Variants in ATAD2B observed in about 807,000 individuals in gnomAD.
ATAD2B encodes ATPase family AAA domain-containing protein 2B.
In ATAD2B, 40 loss-of-function variants were observed where a neutral mutation model predicts 167.6. The ratio of observed to expected loss-of-function variants is 0.24; its 90% CI spans 0.19 to 0.31. The LOEUF is 0.31. Ranked by LOEUF, ATAD2B falls within the 10% of genes least tolerant of loss-of-function variation. ATAD2B has a pLI of 1.00. For synonymous variants in ATAD2B, 579 were observed against 596.5 expected, an observed-to-expected ratio of 0.97 and a Z score of 0.43; for missense variants, 1,242 against 1,757.2, an observed-to-expected ratio of 0.71 and a Z score of 5.24.
intron 17 of ATAD2B, among the ~76,000 whole-genome samples, chr2:23,817,326 T>G (rs545407197): frequency 6.6e-6 from 1 of 152,292 alleles, no homozygotes; most frequent in East Asian, 1.9e-4. Context: ...ATCTATAAAA[T>G]GAAGATACCA....
At chr2:23,717,721 T>C in the ATAD2B span, among the ~76,000 whole-genome samples, 1 of 152,160 alleles carries the variant, frequency 6.6e-6, no homozygotes, top group Non-Finnish European at 1.5e-5. Flanking sequence ...GGCTACCCCA[T>C]AGGCAATAAA....
At chr2:23,914,042 G>A (rs116727594) in intron 1 of ATAD2B, among the ~76,000 whole-genome samples, 5,881 of 152,112 alleles carry the variant, frequency 0.039, 110 homozygotes, top group Admixed American at 0.046. Context: ...GCCAGGGCAG[G>A]AGTTCAAGAC....
At chr2:23,909,687 A>C (rs1470271387) in intron 1 of ATAD2B, among the ~76,000 whole-genome samples, 1 of 151,976 alleles carries the variant, frequency 6.6e-6, no homozygotes, top group Non-Finnish European at 1.5e-5. Flanking sequence ...GCAGGGAAAA[A>C]GGCCCTTTTT....
At chr2:23,745,329 G>A (rs902637843), downstream of ATAD2B, among the ~76,000 whole-genome samples, 3 of 149,066 alleles carry the variant, frequency 2.0e-5, no homozygotes, top group Non-Finnish European at 4.4e-5. Flanking sequence ...AAGCGAGAAA[G>A]AGAGAAAGAG....
At chr2:23,820,030 T>C in intron 16 of ATAD2B, 148 bp from the exon 17 acceptor site, 2 of 541,900 alleles carry the variant, frequency 3.7e-6, no homozygotes, top group Non-Finnish European at 3.2e-6. Context: ...AAACTGCAGC[T>C]TTTAAAATAA....
chr2:23,736,454 G>A, the ATAD2B span, among the ~76,000 whole-genome samples: 1 of 152,152 alleles, frequency 6.6e-6, no homozygotes, highest in African/African-American at 2.4e-5. Context: ...GGAGGAAAAA[G>A]AGACTATGCA....
intron 22 of ATAD2B, among the ~76,000 whole-genome samples, chr2:23,774,317 G>C (rs1205922558): frequency 2.0e-5 from 3 of 152,096 alleles, no homozygotes; most frequent in South Asian, 2.1e-4. Context: ...AGGCATGGTT[G>C]TAAGTCCTGT....
intron 14 of ATAD2B, among the ~76,000 whole-genome samples, chr2:23,829,699 T>C (rs1483721705): frequency 2.0e-5 from 3 of 152,154 alleles, no homozygotes; most frequent in Non-Finnish European, 4.4e-5. Flanking sequence ...AGGCCTGCAG[T>C]GTGCTGTGAT....
chr2:23,912,713 G>A (rs571721913), intron 1 of ATAD2B, among the ~76,000 whole-genome samples: 5 of 151,966 alleles, frequency 3.3e-5, no homozygotes, highest in Non-Finnish European at 4.4e-5. Context: ...ATATGGGGCC[G>A]GGCACAATGG....
chr2:23,784,016 C>T (rs2551337), intron 21 of ATAD2B, among the ~76,000 whole-genome samples: 27,316 of 151,982 alleles, frequency 0.18, 2,553 homozygotes, highest in Middle Eastern at 0.25. Context: ...TGTATGTGTG[C>T]TTTATTTTTC....
chr2:23,765,301 C>T (rs949760043), intron 23 of ATAD2B, among the ~76,000 whole-genome samples: 5 of 152,320 alleles, frequency 3.3e-5, no homozygotes, highest in African/African-American at 9.6e-5. Flanking sequence ...CTGTAATACA[C>T]ACTATCACAC....
chr2:23,926,756 C>T lies in ATAD2B; in HGVS notation c.15G>A (p.Arg5=). The stretch of plus-strand genomic sequence containing the variant: ...ACCCGAGAAGGCGGAGAGAGCTCTT[C>T]CGGGTGTTCACCATGGTCCAGCCAG... The part of the protein sequence containing the change: MVNT[R]KSSLRLLGSK... The change falls in exon 1 of 28, where the codon CGG becomes CGA. Residue 5 remains arginine (R), a synonymous_variant. Transcript: ENST00000238789. 3 of 1,544,830 alleles carry T rather than the reference C, an allele frequency of 1.9e-6. No individual in the cohort carries two copies. The highest frequency in any genetic ancestry group is 3.7e-4 in the Middle Eastern group (2 of 5,388).
At chr2:23,687,285 G>T in the ATAD2B span, among the ~76,000 whole-genome samples, 73,843 of 152,018 alleles carry the variant, frequency 0.49, 19,017 homozygotes, top group East Asian at 0.79. Context: ...ATCCCTCCCT[G>T]CTGTCCCCGC....
chr2:23,728,540 AAACT>A, the ATAD2B span, among the ~76,000 whole-genome samples: 1 of 152,230 alleles, frequency 6.6e-6, no homozygotes, highest in Non-Finnish European at 1.5e-5. Context: ...AAACCAAAAG[AAACT>A]AACTAAATTT....
chr2:23,707,172 C>T, the ATAD2B span: 5 of 152,294 alleles, frequency 3.3e-5, no homozygotes, highest in African/African-American at 1.2e-4. Flanking sequence ...CATCACAAGG[C>T]CTAGGAGGCT....
the ATAD2B span, among the ~76,000 whole-genome samples, chr2:23,704,682 G>A: frequency 1.1e-4 from 17 of 149,086 alleles, no homozygotes; most frequent in Non-Finnish European, 1.7e-4. Context: ...CAGGAGAATC[G>A]CTTGAACCCG....
At chr2:23,880,016 C>A (rs1426508725) in intron 7 of ATAD2B, among the ~76,000 whole-genome samples, 1 of 150,478 alleles carries the variant, frequency 6.6e-6, no homozygotes, top group Non-Finnish European at 1.5e-5. Flanking sequence ...TGAGATAATG[C>A]CACTGTACTC....
At chr2:23,743,741 C>T (rs1674642776), downstream of ATAD2B, among the ~76,000 whole-genome samples, 1 of 152,074 alleles carries the variant, frequency 6.6e-6, no homozygotes, top group Non-Finnish European at 1.5e-5. Context: ...GTCCTCCCAT[C>T]TCAGCCTCCT....
intron 18 of ATAD2B, among the ~76,000 whole-genome samples, chr2:23,807,799 G>A (rs7579450): frequency 4.1e-5 from 5 of 123,012 alleles, no homozygotes; most frequent in African/African-American, 3.0e-5. Context: ...CTGGGCAACA[G>A]AGCGTGACTC....
Sources: gnomAD v4.1 joint callset for allele counts (sites outside exome capture counted in the v4.1 genomes callset) on GRCh38, gnomAD v4.1.1 for gene constraint, MANE v1.5 for transcripts, NCBI Gene and HGNC (gene_info 2026-07-23, HGNC 2026-07-21) for gene names.